Variants in NALF2 observed in about 807,000 individuals in gnomAD.
The protein encoded by NALF2 is bB57D9.1 (TED protein).
NALF2 carries 1 observed loss-of-function variant against 24.8 expected under a neutral mutation model. The observed-to-expected ratio is 0.04, with a 90% CI of 0.01 to 0.19. NALF2 has a LOEUF of 0.19. NALF2 is among the 10% of genes least tolerant of loss of function. NALF2 has a pLI of 1.00. For synonymous variants in NALF2, 254 were observed against 189.8 expected (o/e 1.34, Z -2.78); for missense variants, 458 against 409.6 (o/e 1.12, Z -1.02).
chrX:69,507,963 C>CA (rs764344954), intron 1 of NALF2, among the ~76,000 whole-genome samples: 162 of 111,259 alleles, frequency 1.5e-3, no homozygotes, highest in Non-Finnish European at 2.6e-3. Flanking sequence ...ACAAATCTCT[C>CA]ATGTTGATTG....
In NALF2 at chrX:69,505,551, C is replaced by T; in HGVS notation, c.269C>T (p.Pro90Leu). The T allele has an allele frequency of 3.1e-6, 3 of 961,039 alleles. No individual in the cohort carries two copies. The highest frequency in any genetic ancestry group is 4.9e-5 in the South Asian group (1 of 20,328). 79.2% of individuals were successfully genotyped at this position (961,039 alleles called of 1,213,427 possible). A position where few individuals can be genotyped will look rare whatever the true frequency, so the allele number is the denominator to read the frequency against. The change falls in exon 1 of 3, where the codon CCG becomes CTG. Residue 90 changes from proline to leucine, a missense_variant. Pro to Leu is a moderately conservative substitution (Grantham distance 98). Coordinates refer to ENST00000252338, the MANE Select transcript of NALF2 (RefSeq NM_015686.3). ...PPWGAGRERQ[P>L]VPPRAVLPLP... ...TGGGGGGCCGGCCGGGAGCGGCAGC[C>T]GGTGCCTCCTCGCGCGGTGCTGCCG...
At chrX:69,523,500 G>A (rs1007953185) in intron 1 of NALF2, among the ~76,000 whole-genome samples, 3 of 112,080 alleles carry the variant, frequency 2.7e-5, no homozygotes, top group African/African-American at 9.7e-5. Context: ...GTGCTCTGCA[G>A]CCCAGCTGGG....
rs2147719320 is a variant in NALF2, at chrX:69,530,222, T to C, written c.*266T>C. The C allele has an allele frequency of 3.3e-6, 1 of 306,737 alleles. No homozygotes were observed. Among genetic ancestry groups the C allele is most frequent in the African/African-American group, 2.7e-5 (1 of 37,113 alleles). The allele number at this position is 306,737 out of a possible 1,213,427, so 25.3% of individuals were successfully genotyped here. ...CTCCCAAGCTCCCATCTATGGGGCT[T>C]AGCAAAAAAAGGGAGGAAGTGGGGG... On this transcript the variant is annotated 3_prime_UTR_variant, in exon 3 of 3. Coordinates refer to ENST00000252338, the MANE Select transcript of NALF2 (RefSeq NM_015686.3).
chrX:69,510,983 T>C (rs957788616), intron 1 of NALF2, among the ~76,000 whole-genome samples: 1 of 108,508 alleles, frequency 9.2e-6, no homozygotes, highest in African/African-American at 3.5e-5. Context: ...AACCTCCATG[T>C]TCTTCCCACG....
At chrX:69,513,834 A>G (rs1183354) in intron 1 of NALF2, among the ~76,000 whole-genome samples, 34,772 of 110,130 alleles carry the variant, frequency 0.32, 4,364 homozygotes, top group Admixed American at 0.57. Flanking sequence ...GTATTGTACA[A>G]TTATCACCAC....
chrX:69,511,438 C>G (rs1259730734), intron 1 of NALF2, among the ~76,000 whole-genome samples: 1 of 111,795 alleles, frequency 8.9e-6, no homozygotes, highest in African/African-American at 3.3e-5. Flanking sequence ...TCCCTCTCTG[C>G]TCTCTTTCTC....
chrX:69,521,173 A>G (rs1930728418), intron 1 of NALF2, among the ~76,000 whole-genome samples: 1 of 111,715 alleles, frequency 9.0e-6, no homozygotes, highest in Non-Finnish European at 1.9e-5. Flanking sequence ...TGCGCCCTCT[A>G]ACTATGCTGA....
chrX:69,524,515 T>C (rs1250710363), intron 1 of NALF2, among the ~76,000 whole-genome samples: 1 of 111,497 alleles, frequency 9.0e-6, no homozygotes, highest in Admixed American at 9.5e-5. Flanking sequence ...TTCTGAGACA[T>C]TTCTTCCCTT....
chrX:69,531,120 G>C lies in NALF2; in HGVS notation c.*1164G>C, dbSNP rs1233585725. Reference sequence around the variant, plus strand: ...TATCCCCACCCTGTCCCCGTCCCCAGCCTACCAAAGAGTATTCACACCTTT... The same window carrying C: ...TATCCCCACCCTGTCCCCGTCCCCACCCTACCAAAGAGTATTCACACCTTT... On this transcript the variant is annotated 3_prime_UTR_variant, in exon 3 of 3. Transcript: ENST00000252338. The C allele has an allele frequency of 8.9e-6, 1 of 112,090 alleles. No individual in the cohort carries two copies. Among genetic ancestry groups the C allele is most frequent in the Non-Finnish European group, 1.9e-5 (1 of 53,102 alleles). 9.2% of individuals were successfully genotyped at this position (112,090 alleles called of 1,213,427 possible). A position where few individuals can be genotyped will look rare whatever the true frequency, so the allele number is the denominator to read the frequency against.
Position 69,505,303 on chromosome X carries a change from G to A in NALF2, c.21G>A (p.Met7Ile). 8.6e-7 allele frequency: 1 copy of A among 1,156,131 alleles called. No individual in the cohort carries two copies. The highest frequency in any genetic ancestry group is 1.9e-5 in the South Asian group (1 of 51,414). The change falls in exon 1 of 3, where the codon ATG becomes ATA. Residue 7 changes from methionine (M) to isoleucine (I), a missense_variant. By Grantham distance (10) the Met-to-Ile change is conservative (BLOSUM62 1). Coordinates refer to ENST00000252338, the MANE Select transcript of NALF2 (RefSeq NM_015686.3). The stretch of plus-strand genomic sequence containing the variant: ...GAAATATGTTCAGGGGCGCTTGGAT[G>A]TGGCCCGGGAAAGACGCCGCCGCGC... MFRGAW[M>I]WPGKDAAALT...
Position 69,505,127 on chromosome X carries a change from C to G in NALF2, c.-156C>G. The G allele has an allele frequency of 2.5e-6, 1 of 401,559 alleles. No homozygotes were observed. Among genetic ancestry groups the G allele is most frequent in the Non-Finnish European group, 3.9e-6 (1 of 258,414 alleles). 33.1% of individuals were successfully genotyped at this position (401,559 alleles called of 1,213,427 possible). A position where few individuals can be genotyped will look rare whatever the true frequency, so the allele number is the denominator to read the frequency against. The stretch of plus-strand genomic sequence containing the variant: ...GAGCGCCCCGCGACTCCGGCCTGAG[C>G]GGGGCATCGCGCCGGCCGGCCTGCC... On this transcript the variant is annotated 5_prime_UTR_variant, in exon 1 of 3. Coordinates refer to ENST00000252338, the MANE Select transcript of NALF2 (RefSeq NM_015686.3).
intron 1 of NALF2, among the ~76,000 whole-genome samples, chrX:69,506,990 C>T (rs748249066): frequency 3.6e-5 from 4 of 111,895 alleles, no homozygotes; most frequent in Non-Finnish European, 5.6e-5. Context: ...TGACCCTCGG[C>T]GGGGTTGCTC....
rs769071638 is a variant in NALF2, at chrX:69,530,424, G to A, written c.*468G>A. The A allele has an allele frequency of 8.4e-5, 10 of 118,587 alleles. No homozygotes were observed. The highest frequency in any genetic ancestry group is 3.4e-4 in the South Asian group (1 of 2,912). 9.8% of individuals were successfully genotyped at this position (118,587 alleles called of 1,213,427 possible). ...TCCTGCCCATATCCCTACAGGCGAC[G>A]GCAGACAGTGCAATGGCCCTCCTGC... On this transcript the variant is annotated 3_prime_UTR_variant, in exon 3 of 3. Coordinates refer to ENST00000252338, the MANE Select transcript of NALF2 (RefSeq NM_015686.3).
intron 1 of NALF2, among the ~76,000 whole-genome samples, chrX:69,519,445 C>T (rs1423546955): frequency 8.9e-6 from 1 of 111,843 alleles, no homozygotes; most frequent in Non-Finnish European, 1.9e-5. Flanking sequence ...ATAGAAATGT[C>T]TTACCAGAAG....
rs764223439 is a variant in NALF2 at position 69,513,013 on chromosome X, T to G, written c.861+6870T>G. ...CCTTGGACCCAGTGACAATCACTGT[T>G]ACCTTCCTGGAATAGCAACAAGAGA... On this transcript the variant is annotated intron_variant, in intron 1 of 2. Transcript: ENST00000252338. Among the ~76,000 whole-genome samples, 3 of 111,640 alleles carry G rather than the reference T, an allele frequency of 2.7e-5. No individual in the cohort carries two copies. The South Asian group carries it at 1.2e-3, about 43-fold the overall frequency.
At chrX:69,513,921 G>A (rs1043629589) in intron 1 of NALF2, among the ~76,000 whole-genome samples, 10 of 111,533 alleles carry the variant, frequency 9.0e-5, no homozygotes, top group Admixed American at 1.9e-4. Flanking sequence ...AGCCGGGCGC[G>A]GTGGCTCACA....
At chrX:69,529,441 C>A in intron 2 of NALF2, 130 bp from the exon 3 acceptor site, 2 of 1,051,543 alleles carry the variant, frequency 1.9e-6, no homozygotes, top group Non-Finnish European at 2.5e-6. Context: ...GGGCAAGTGT[C>A]GAGGGCTGTG....
chrX:69,511,780 G>C (rs919204046), intron 1 of NALF2, among the ~76,000 whole-genome samples: 1 of 111,864 alleles, frequency 8.9e-6, no homozygotes, highest in Non-Finnish European at 1.9e-5. Flanking sequence ...GTGGAACCAA[G>C]ATCAAAGGAG....
intron 1 of NALF2, among the ~76,000 whole-genome samples, chrX:69,510,725 C>A (rs1403579981): frequency 8.9e-6 from 1 of 111,945 alleles, no homozygotes; most frequent in Non-Finnish European, 1.9e-5. Flanking sequence ...AAGCTCATCT[C>A]TTCACCAAGG....
Sources: gnomAD v4.1 joint callset for allele counts (sites outside exome capture counted in the v4.1 genomes callset) on GRCh38, gnomAD v4.1.1 for gene constraint, MANE v1.5 for transcripts, NCBI Gene and HGNC (gene_info 2026-07-23, HGNC 2026-07-21) for gene names.